Variants in NUMA1 observed in about 807,000 individuals in gnomAD.
The protein encoded by NUMA1 is SP-H antigen.
Under a neutral mutation model 237.1 loss-of-function variants are expected in NUMA1, and 62 were observed. The ratio of observed to expected loss-of-function variants is 0.26; its 90% CI spans 0.21 to 0.32. The LOEUF is 0.32. Ranked by LOEUF, NUMA1 falls within the 10% of genes least tolerant of loss-of-function variation. The pLI is 1.00. For missense variants in NUMA1, 2,533 were observed against 2,666.5 expected (o/e 0.95, Z 1.10); for synonymous variants, 1,028 against 1,066.1 (o/e 0.96, Z 0.70).
intron 2 of NUMA1, among the ~76,000 whole-genome samples, chr11:72,069,407 T>A (rs138027263): frequency 1.3e-5 from 2 of 152,304 alleles, no homozygotes; most frequent in Non-Finnish European, 2.9e-5. Context: ...TACTTATGTA[T>A]ACAGCTCCTC....
At chr11:72,006,649 C>T (rs1176304265) in intron 21 of NUMA1, among the ~76,000 whole-genome samples, 1 of 152,222 alleles carries the variant, frequency 6.6e-6, no homozygotes, top group Non-Finnish European at 1.5e-5. Flanking sequence ...GCTCATCCCA[C>T]AGCCTCTGCT....
chr11:72,015,736 T>G lies in NUMA1; in HGVS notation c.1767A>C (p.Ala589=). ...QDHAQQLATA[A]EEREASLRER... ...CCCTTAAGGAGGCCTCTCGCTCCTCTGCAGCAGTGGCCAGTTGCTGGGCAT... is the reference window on the plus strand; with the variant it reads ...CCCTTAAGGAGGCCTCTCGCTCCTCGGCAGCAGTGGCCAGTTGCTGGGCAT... The change falls in exon 15 of 27, where the codon GCA becomes GCC. Residue 589 remains alanine, a synonymous_variant. Coordinates refer to ENST00000393695, the MANE Select transcript of NUMA1 (RefSeq NM_006185.4). The surrounding 1 kb of genome is among the most constrained non-coding windows in gnomAD (Gnocchi z 4.0). The G allele has an allele frequency of 6.2e-7, 1 of 1,614,184 alleles. No homozygotes were observed. Among genetic ancestry groups the G allele is most frequent in the Non-Finnish European group, 8.5e-7 (1 of 1,180,032 alleles).
chr11:72,036,027 T>G, intron 2 of NUMA1, 52 bp from the exon 3 acceptor site: 79 of 1,408,932 alleles, frequency 5.6e-5, no homozygotes, highest in Non-Finnish European at 7.0e-5. Context: ...ATATCCATGA[T>G]CAAGAAATAA....
At chr11:72,003,753 G>T in intron 26 of NUMA1, 134 bp downstream of exon 26, 1 of 1,052,584 alleles carries the variant, frequency 9.5e-7, no homozygotes, top group Non-Finnish European at 1.4e-6. Flanking sequence ...GAGCTACCAG[G>T]ACAGGGACAC....
chr11:72,016,159 G>A lies in NUMA1; in HGVS notation c.1344C>T (p.Ala448=), dbSNP rs776564408. ...MLETERGQQE[A]KLLAERGHFE... ...AGTGGCCCCGCTCAGCAAGCAGCTT[G>A]GCTTCCTGCTGGCCTCGCTCAGTCT... Residue 448 remains alanine, a synonymous_variant, in exon 15 of 27, where the codon GCC becomes GCT. Transcript: ENST00000393695. The A allele has an allele frequency of 1.2e-6, 2 of 1,613,890 alleles. No individual in the cohort carries two copies. Among genetic ancestry groups the A allele is most frequent in the East Asian group, 4.5e-5 (2 of 44,880 alleles).
At chr11:72,028,864 A>G (rs1242051673) in intron 4 of NUMA1, among the ~76,000 whole-genome samples, 2 of 152,180 alleles carry the variant, frequency 1.3e-5, no homozygotes, top group African/African-American at 4.8e-5. Context: ...ATGAGTCAAG[A>G]AAGGAGGGTT....
intron 4 of NUMA1, among the ~76,000 whole-genome samples, chr11:72,027,423 A>C (rs1445379634): frequency 6.8e-6 from 1 of 146,044 alleles, no homozygotes; most frequent in African/African-American, 2.5e-5. Flanking sequence ...TATCCTTGAC[A>C]AAAAAAAAAA....
Position 72,016,270 on chromosome 11 carries a change from T to C in NUMA1, c.1243-10A>G. 1 of 1,590,242 alleles carries C rather than the reference T, an allele frequency of 6.3e-7. No individual in the cohort carries two copies. The highest frequency in any genetic ancestry group is 8.6e-7 in the Non-Finnish European group (1 of 1,164,894). ...GCTTCAAGGTTTCCAGCTGGTGGTATAAAGAGACAAACTGGGATCAGCATG... is the reference window on the plus strand; with the variant it reads ...GCTTCAAGGTTTCCAGCTGGTGGTACAAAGAGACAAACTGGGATCAGCATG... On this transcript the variant is annotated splice_polypyrimidine_tract_variant and intron_variant, in intron 14 of 26. Coordinates refer to ENST00000393695, the MANE Select transcript of NUMA1 (RefSeq NM_006185.4).
At chr11:72,051,708 G>A (rs544726714) in intron 2 of NUMA1, among the ~76,000 whole-genome samples, 3 of 152,152 alleles carry the variant, frequency 2.0e-5, no homozygotes, top group Admixed American at 1.3e-4. Context: ...GAGCTCAAGC[G>A]ATCAGCCCAC....
intron 20 of NUMA1, chr11:72,008,111 A>C (rs1422522889): frequency 8.3e-6 from 4 of 479,456 alleles, no homozygotes; most frequent in Non-Finnish European, 1.7e-5. Flanking sequence ...TTGTTGGGGG[A>C]CAAATCAGGT....
intron 3 of NUMA1, among the ~76,000 whole-genome samples, chr11:72,030,820 GTACA>G (rs1036926407): frequency 7.2e-5 from 11 of 152,190 alleles, no homozygotes; most frequent in African/African-American, 2.7e-4. Flanking sequence ...CTGGGAGCCA[GTACA>G]TACACACTTT....
chr11:72,011,535 G>A (rs1956163094), intron 16 of NUMA1, among the ~76,000 whole-genome samples: 1 of 152,220 alleles, frequency 6.6e-6, no homozygotes, highest in South Asian at 2.1e-4. Context: ...GTTCAAGCAT[G>A]ACCAGGCAGC....
At chr11:72,006,404 T>G in intron 21 of NUMA1, 141 bp from the exon 22 acceptor site, 1 of 667,450 alleles carries the variant, frequency 1.5e-6, no homozygotes, top group Non-Finnish European at 2.5e-6. Flanking sequence ...AGTGTGTGTC[T>G]GCAAGAAATG....
Position 72,056,227 on chromosome 11 carries a change from G to A in NUMA1, c.-33+13615C>T, listed in dbSNP as rs1246411981. Among the ~76,000 whole-genome samples the A allele has an allele frequency of 2.6e-5, 4 of 152,096 alleles. No homozygotes were observed. The East Asian group carries it at 7.7e-4, about 29-fold the overall frequency. ...AAGTCTCAGCTACTCAGGAGGCTAA[G>A]GCAGGAGGATCACTTGAGCTCAGGA... On this transcript the variant is annotated intron_variant, in intron 2 of 26. Transcript: ENST00000393695.
chr11:72,006,187 C>A lies in NUMA1; in HGVS notation c.5540G>T (p.Ser1847Ile). The change falls in exon 22 of 27, where the codon AGC becomes ATC. Residue 1847 changes from serine (S) to isoleucine (I), a missense_variant. Ser to Ile is a moderately radical substitution (Grantham distance 142). This residue lies in a region of NUMA1 where 795 missense variants were observed against 750.8 expected (regional missense o/e 1.06). Transcript: ENST00000393695. ...STRSAPASQA[S>I]LRATSSTQSL... ...CTGAGTAGAGGAGGTGGCTCGCAGGCTAGCCTGGGAAGCAGGAGCAGACCG... is the reference window on the plus strand; with the variant it reads ...CTGAGTAGAGGAGGTGGCTCGCAGGATAGCCTGGGAAGCAGGAGCAGACCG... 6.2e-7 allele frequency: 1 copy of A among 1,614,150 alleles called. No homozygotes were observed. The highest frequency in any genetic ancestry group is 8.5e-7 in the Non-Finnish European group (1 of 1,180,028).
In NUMA1 at chr11:72,014,720, T is replaced by C; in HGVS notation, c.2783A>G (p.Glu928Gly). Residue 928 changes from glutamate to glycine, a missense_variant, in exon 15 of 27, where the codon GAG becomes GGG. Around this residue, in one of 3 missense-constraint regions of NUMA1, gnomAD observed 1,414 missense variants for 1,508.1 expected, o/e 0.94. Transcript: ENST00000393695. This position sits in a 1 kb window ranked among gnomAD's most constrained non-coding sequence, Gnocchi z 4.6. ...RLETLVRKAG[E>G]QQETASRELV... ...CTCCCGGGAGGCTGTTTCCTGCTGC[T>C]CACCTGCCTTGCGCACCAAGGTCTC... 5.0e-6 allele frequency: 8 copies of C among 1,614,084 alleles called. No homozygotes were observed. The highest frequency in any genetic ancestry group is 6.8e-6 in the Non-Finnish European group (8 of 1,180,044).
chr11:72,014,936 A>G lies in NUMA1; in HGVS notation c.2567T>C (p.Val856Ala), dbSNP rs1305296365. ...RQELQEAKEK[V>A]AGIESHSELQ... ...CTCGCTGTGGGATTCTATGCCTGCC[A>G]CCTTCTCCTTTGCCTCCTGCAGCTC... Residue 856 changes from valine (V) to alanine (A), a missense_variant, in exon 15 of 27, where the codon GTG (valine) becomes GCG (alanine). Coordinates refer to ENST00000393695, the MANE Select transcript of NUMA1 (RefSeq NM_006185.4). This position sits in a 1 kb window ranked among gnomAD's most constrained non-coding sequence, Gnocchi z 4.6. 2 of 1,614,068 alleles carry G rather than the reference A, an allele frequency of 1.2e-6. No individual in the cohort carries two copies. The highest frequency in any genetic ancestry group is 1.7e-6 in the Non-Finnish European group (2 of 1,180,024).
intron 24 of NUMA1, 100 bp downstream of exon 24, chr11:72,004,540 G>T: frequency 1.5e-6 from 2 of 1,304,468 alleles, no homozygotes; most frequent in Non-Finnish European, 2.1e-6. Flanking sequence ...AAGAGAGGGG[G>T]AAGTGAGGGA....
intron 1 of NUMA1, among the ~76,000 whole-genome samples, chr11:72,073,457 C>G (rs1210818352): frequency 6.6e-6 from 1 of 152,156 alleles, no homozygotes; most frequent in Admixed American, 6.5e-5. Context: ...TATGCCCCAC[C>G]TTTGAAGAGC....
Sources: allele counts gnomAD v4.1 joint callset (sites outside exome capture counted in the v4.1 genomes callset), GRCh38; gene constraint gnomAD v4.1.1; regional missense constraint gnomAD v4.1.1; non-coding constraint Gnocchi (gnomAD v3.1); transcripts MANE v1.5; gene names NCBI Gene and HGNC (gene_info 2026-07-23, HGNC 2026-07-21).